Variants in TRDN observed in about 807,000 individuals in gnomAD.
TRDN encodes the protein triadin, also known as triadin in skeletal muscle.
A neutral mutation model predicts 149.7 loss-of-function variants in TRDN; 161 were observed. That is an observed-to-expected ratio of 1.08 (90% CI 0.95 to 1.23). The LOEUF is 1.23. TRDN is among the 50% of genes most tolerant of loss of function. The pLI is 0.00. For missense variants in TRDN, 896 were observed against 823.5 expected, an observed-to-expected ratio of 1.09 and a Z score of -1.08; for synonymous variants, 294 against 250.5, an observed-to-expected ratio of 1.17 and a Z score of -1.64.
intron 2 of TRDN, among the ~76,000 whole-genome samples, chr6:123,554,750 C>A (rs1203469958): frequency 6.6e-6 from 1 of 152,042 alleles, no homozygotes; most frequent in Non-Finnish European, 1.5e-5. Context: ...AAAAACAAAA[C>A]AAAAATGTTT....
rs113438674 is a variant in TRDN at position 123,568,321 on chromosome 6, G to A, written c.232+2602C>T. On this transcript the variant is annotated intron_variant, in intron 2 of 40. Coordinates refer to ENST00000334268, the MANE Select transcript of TRDN (RefSeq NM_006073.4). ...TGCCTGCAGCTTTTCTAGGTGCAGG[G>A]TGGAAGCTGCCAGTGGATCTATCAT... 3.3e-5 allele frequency among the ~76,000 whole-genome samples: 5 copies of A among 152,302 alleles called. No individual in the cohort carries two copies. The East Asian group carries it at 7.7e-4, about 24-fold the overall frequency.
intron 23 of TRDN, among the ~76,000 whole-genome samples, chr6:123,325,765 T>C (rs1482123906): frequency 2.6e-5 from 4 of 152,228 alleles, no homozygotes; most frequent in South Asian, 2.1e-4. Flanking sequence ...AAGTTTACTA[T>C]GGCATATGTT....
At chr6:123,387,640 C>G (rs986727777) in intron 14 of TRDN, among the ~76,000 whole-genome samples, 6 of 152,080 alleles carry the variant, frequency 3.9e-5, no homozygotes, top group African/African-American at 1.2e-4. Flanking sequence ...GAAAAGATCT[C>G]AGAGACCCAC....
At position 123,570,936 on chromosome 6, in the gene TRDN, G is replaced by A; in HGVS notation, c.219C>T (p.Tyr73=). 3.1e-6 allele frequency: 5 copies of A among 1,613,352 alleles called. No homozygotes were observed. The highest frequency in any genetic ancestry group is 4.2e-6 in the Non-Finnish European group (5 of 1,179,574). ...TATGGAACTTACCTGAAAAGTTTTT[G>A]TAATCCACTAAATCAAACATAACGA... ...VAIVMFDLVD[Y]KNFSASSIAK... The change falls in exon 2 of 41, where the codon TAC becomes TAT. Residue 73 remains tyrosine (Y), a synonymous_variant. Transcript: ENST00000334268.
intron 32 of TRDN, among the ~76,000 whole-genome samples, chr6:123,266,296 T>A (rs1776968351): frequency 9.2e-6 from 1 of 108,240 alleles, no homozygotes; most frequent in South Asian, 2.5e-4. Flanking sequence ...GTAATATGTA[T>A]TATATATAAT....
At chr6:123,368,471 A>G (rs572109123) in intron 19 of TRDN, among the ~76,000 whole-genome samples, 32 of 152,206 alleles carry the variant, frequency 2.1e-4, no homozygotes, top group Non-Finnish European at 4.1e-4. Context: ...AGATATCTGG[A>G]GTGGGCAACA....
chr6:123,422,134 G>A (rs193061251), intron 12 of TRDN, among the ~76,000 whole-genome samples: 9 of 152,218 alleles, frequency 5.9e-5, no homozygotes, highest in Admixed American at 2.0e-4. Context: ...GAGGATGTGC[G>A]TAGGTTATAT....
intron 1 of TRDN, among the ~76,000 whole-genome samples, chr6:123,602,830 G>A (rs1038955067): frequency 1.3e-5 from 2 of 151,862 alleles, no homozygotes; most frequent in African/African-American, 2.4e-5. Context: ...CACAGCCCAG[G>A]ACAAAATCTC....
At chr6:123,503,402 A>G (rs185474118) in intron 8 of TRDN, 11 of 985,236 alleles carry the variant, frequency 1.1e-5, no homozygotes, top group Admixed American at 6.2e-5. Flanking sequence ...TCTTTATTCC[A>G]CCTCTTAATA....
chr6:123,497,252 T>C lies in TRDN; in HGVS notation c.794A>G (p.Asp265Gly). 6.6e-7 allele frequency: 1 copy of C among 1,525,856 alleles called. No individual in the cohort carries two copies. The highest frequency in any genetic ancestry group is 8.8e-7 in the Non-Finnish European group (1 of 1,140,130). The allele number at this position is 1,525,856 out of a possible 1,614,324, so 94.5% of individuals were successfully genotyped here. A position where few individuals can be genotyped will look rare whatever the true frequency, so the allele number is the denominator to read the frequency against. The change falls in exon 9 of 41, where the codon GAT (aspartate) becomes GGT (glycine). Residue 265 changes from aspartate (D) to glycine (G), a missense_variant and splice_region_variant. By Grantham distance (94) the Asp-to-Gly change is moderately conservative. Transcript: ENST00000334268. ...KAAVSKHEQKDQYAFCRYMID... is the reference protein window; with the variant it reads ...KAAVSKHEQKGQYAFCRYMID... ...CATATATCGACAGAATGCATACTGATCTGACAGAGTAGAAAGAAAAAGAGC... is the reference window on the plus strand; with the variant it reads ...CATATATCGACAGAATGCATACTGACCTGACAGAGTAGAAAGAAAAAGAGC...
At chr6:123,380,126 T>A (rs1781657714) in intron 16 of TRDN, among the ~76,000 whole-genome samples, 2 of 152,160 alleles carry the variant, frequency 1.3e-5, no homozygotes, top group African/African-American at 4.8e-5. Context: ...TGAAGAAAAC[T>A]ATTTCTTCTC....
intron 38 of TRDN, among the ~76,000 whole-genome samples, chr6:123,242,437 A>G (rs1776024071): frequency 6.6e-6 from 1 of 152,136 alleles, no homozygotes; most frequent in South Asian, 2.1e-4. Context: ...TGAGAAGCAC[A>G]TTATTTATCA....
At chr6:123,469,907 T>A (rs1777054585) in intron 9 of TRDN, 1 of 152,200 alleles carries the variant, frequency 6.6e-6, no homozygotes, top group South Asian at 2.1e-4. Flanking sequence ...TCCAGAACAG[T>A]ATGAGCTCAG....
intron 9 of TRDN, among the ~76,000 whole-genome samples, chr6:123,467,662 G>A (rs1776911280): frequency 6.6e-6 from 1 of 152,160 alleles, no homozygotes; most frequent in African/African-American, 2.4e-5. Context: ...AAACAAATCA[G>A]ATGGGTCATA....
chr6:123,396,683 C>T (rs1772746351), intron 12 of TRDN, among the ~76,000 whole-genome samples: 1 of 151,986 alleles, frequency 6.6e-6, no homozygotes, highest in African/African-American at 2.4e-5. Context: ...TCAGATGAGC[C>T]AAATGTTTCA....
At chr6:123,488,376 G>A (rs894450872) in intron 9 of TRDN, among the ~76,000 whole-genome samples, 5 of 152,090 alleles carry the variant, frequency 3.3e-5, no homozygotes, top group African/African-American at 1.2e-4. Context: ...GATACCATCT[G>A]TGGCTTGAAT....
At chr6:123,447,766 A>G (rs1311657684) in intron 10 of TRDN, among the ~76,000 whole-genome samples, 3 of 151,252 alleles carry the variant, frequency 2.0e-5, no homozygotes, top group African/African-American at 7.3e-5. Context: ...GAGTGAGATC[A>G]GTTTCAAAAA....
intron 9 of TRDN, among the ~76,000 whole-genome samples, chr6:123,466,049 C>T (rs1673470894): frequency 6.6e-6 from 1 of 152,202 alleles, no homozygotes; most frequent in South Asian, 2.1e-4. Flanking sequence ...GTAGCTGTTA[C>T]ACCCATACAG....
intron 5 of TRDN, among the ~76,000 whole-genome samples, chr6:123,524,083 G>T (rs1779820750): frequency 6.6e-6 from 1 of 152,086 alleles, no homozygotes; most frequent in East Asian, 1.9e-4. Flanking sequence ...TACGCACATA[G>T]ATACATATTT....
Sources: allele counts gnomAD v4.1 joint callset (sites outside exome capture counted in the v4.1 genomes callset), GRCh38; gene constraint gnomAD v4.1.1; transcripts MANE v1.5; gene names NCBI Gene and HGNC (gene_info 2026-07-23, HGNC 2026-07-21).